Variants in LINGO2 observed in about 807,000 individuals in gnomAD.
LINGO2 encodes the protein leucine-rich repeat and immunoglobulin-like domain-containing nogo receptor-interacting protein 2.
Under a neutral mutation model 30.6 loss-of-function variants are expected in LINGO2, and 14 were observed. The ratio of observed to expected loss-of-function variants is 0.46; its 90% CI spans 0.30 to 0.72. The LOEUF (loss-of-function observed/expected upper bound fraction) is 0.72, where lower values mean the gene tolerates loss of function less well. Among genes scored for constraint, LINGO2 ranks in the 30% least tolerant of loss-of-function variants. The pLI, the probability that LINGO2 is intolerant of heterozygous loss-of-function variation, is 0.07. For missense variants in LINGO2, 729 were observed against 751.7 expected (o/e 0.97, Z 0.35); for synonymous variants, 317 against 288.5 (o/e 1.10, Z -1.00).
intron 2 of LINGO2, among the ~76,000 whole-genome samples, chr9:28,439,204 C>T (rs12378450): frequency 0.31 from 45,520 of 149,156 alleles, 7,956 homozygotes; most frequent in Middle Eastern, 0.39. Context: ...CTATACATTA[C>T]ATATTATGAA....
chr9:29,068,322 T>C, the LINGO2 span, among the ~76,000 whole-genome samples: 1 of 150,144 alleles, frequency 6.7e-6, no homozygotes, highest in Non-Finnish European at 1.5e-5. Context: ...AATTTTGAGA[T>C]AGATGTCCAC....
the LINGO2 span, among the ~76,000 whole-genome samples, chr9:28,851,320 GC>G: frequency 6.6e-6 from 1 of 152,002 alleles, no homozygotes; most frequent in Non-Finnish European, 1.5e-5. Context: ...TTGACTCATA[GC>G]CTCTTCCTCT....
the LINGO2 span, among the ~76,000 whole-genome samples, chr9:28,883,628 G>GTGTGTATGTATATATATATATATATATA: frequency 5.5e-4 from 35 of 64,174 alleles, 9 homozygotes; most frequent in East Asian, 1.0e-3. Flanking sequence ...ATGTGTGTGT[G>GTGTGTATGTATATATATATATATATATA]TATATATATA....
intron 3 of LINGO2, among the ~76,000 whole-genome samples, chr9:28,356,030 T>C (rs768961331): frequency 2.6e-5 from 4 of 152,186 alleles, no homozygotes; most frequent in Non-Finnish European, 4.4e-5. Context: ...TAATCACTTC[T>C]AGTGTCTATA....
chr9:28,411,940 T>A (rs1822780238), intron 2 of LINGO2, among the ~76,000 whole-genome samples: 2 of 152,092 alleles, frequency 1.3e-5, no homozygotes, highest in South Asian at 4.1e-4. Flanking sequence ...TATTTTTTTA[T>A]TAAAAATATT....
chr9:28,771,846 T>C, the LINGO2 span, among the ~76,000 whole-genome samples: 1 of 152,148 alleles, frequency 6.6e-6, no homozygotes, highest in African/African-American at 2.4e-5. Flanking sequence ...TCAGTATAGA[T>C]CTTTTTTTGT....
At chr9:28,944,345 T>A in the LINGO2 span, among the ~76,000 whole-genome samples, 1 of 124,490 alleles carries the variant, frequency 8.0e-6, no homozygotes, top group African/African-American at 3.0e-5. Context: ...GGGCTGGACA[T>A]ACCTCTATCT....
chr9:28,309,223 A>G (rs1333448650), intron 3 of LINGO2, among the ~76,000 whole-genome samples: 1 of 152,202 alleles, frequency 6.6e-6, no homozygotes, highest in Non-Finnish European at 1.5e-5. Context: ...AAAATGTGGC[A>G]CATATACACC....
intron 4 of LINGO2, among the ~76,000 whole-genome samples, chr9:28,229,437 A>G (rs1328635810): frequency 2.0e-5 from 3 of 151,746 alleles, no homozygotes; most frequent in African/African-American, 7.2e-5. Context: ...TAATAGTAGG[A>G]ACAAGTATCA....
the LINGO2 span, among the ~76,000 whole-genome samples, chr9:28,699,680 G>T: frequency 6.6e-6 from 1 of 151,946 alleles, no homozygotes; most frequent in Admixed American, 6.6e-5. Flanking sequence ...TGTGCAAGTA[G>T]GGAAGATATT....
chr9:28,992,902 A>C, the LINGO2 span, among the ~76,000 whole-genome samples: 2 of 152,036 alleles, frequency 1.3e-5, no homozygotes, highest in African/African-American at 4.8e-5. Flanking sequence ...AATGCCCACA[A>C]GAGTAAGCAG....
the LINGO2 span, among the ~76,000 whole-genome samples, chr9:28,909,245 T>C: frequency 6.6e-6 from 1 of 151,950 alleles, no homozygotes; most frequent in Non-Finnish European, 1.5e-5. Flanking sequence ...CAAATGTTGC[T>C]TGCATGTATC....
chr9:28,293,073 G>A (rs1823793600), intron 4 of LINGO2, among the ~76,000 whole-genome samples: 1 of 151,750 alleles, frequency 6.6e-6, no homozygotes, highest in African/African-American at 2.4e-5. Flanking sequence ...CACCCGGCTG[G>A]CCCTGATTTT....
At chr9:29,065,112 C>G in the LINGO2 span, among the ~76,000 whole-genome samples, 11 of 152,058 alleles carry the variant, frequency 7.2e-5, no homozygotes. Context: ...AAGATACTCT[C>G]TCTACACAAT....
chr9:28,381,605 A>G (rs568531701), intron 2 of LINGO2, among the ~76,000 whole-genome samples: 1 of 152,202 alleles, frequency 6.6e-6, no homozygotes, highest in East Asian at 1.9e-4. Flanking sequence ...AAAATACCAT[A>G]TTTTCAAAAT....
intron 2 of LINGO2, among the ~76,000 whole-genome samples, chr9:28,384,077 A>T (rs2134647048): frequency 6.6e-6 from 1 of 152,064 alleles, no homozygotes; most frequent in Non-Finnish European, 1.5e-5. Context: ...ATATTATATT[A>T]GTGATAAATA....
intron 1 of LINGO2, among the ~76,000 whole-genome samples, chr9:28,573,090 A>G (rs905059514): frequency 6.6e-5 from 10 of 152,120 alleles, no homozygotes; most frequent in East Asian, 1.9e-4. Context: ...TTATTTTTCT[A>G]TTTCTAGGAA....
chr9:28,351,238 T>C (rs1819869025), intron 3 of LINGO2, among the ~76,000 whole-genome samples: 1 of 146,024 alleles, frequency 6.8e-6, no homozygotes, highest in Admixed American at 6.8e-5. Flanking sequence ...ATCAACAAAA[T>C]TGATAGACCG....
chr9:28,109,418 T>C (rs1168241940), intron 4 of LINGO2, among the ~76,000 whole-genome samples: 12 of 152,120 alleles, frequency 7.9e-5, no homozygotes. Flanking sequence ...TAGAATGAAA[T>C]AATGGGTATT....
Sources: gnomAD v4.1 joint callset for allele counts (sites outside exome capture counted in the v4.1 genomes callset) on GRCh38, gnomAD v4.1.1 for gene constraint, MANE v1.5 for transcripts, NCBI Gene and HGNC (gene_info 2026-07-23, HGNC 2026-07-21) for gene names.